RSAD1: variants seen among roughly 807,000 people sequenced by gnomAD.
RSAD1 encodes radical S-adenosyl methionine domain-containing protein 1, mitochondrial.
RSAD1 carries 34 observed loss-of-function variants against 46.2 expected under a neutral mutation model. That is an observed-to-expected ratio of 0.74 (90% CI 0.56 to 0.98). The LOEUF (loss-of-function observed/expected upper bound fraction) is 0.98. RSAD1 is among the 50% of genes least tolerant of loss of function. The pLI is 0.00. For synonymous variants in RSAD1, 260 were observed against 253.5 expected (o/e 1.03, Z -0.24); for missense variants, 635 against 592.3 (o/e 1.07, Z -0.75).
At position 50,484,953 on chromosome 17, in the gene RSAD1, T is replaced by A. The variant is rs2033435144; in HGVS notation, c.*92T>A. On this transcript the variant is annotated 3_prime_UTR_variant, in exon 9 of 9. Coordinates refer to ENST00000258955, the MANE Select transcript of RSAD1 (RefSeq NM_018346.3). The stretch of plus-strand genomic sequence containing the variant: ...ATCTCTTCTCCGTTGTCGGGTGCCG[T>A]CTCTGCTCCTTGTGGTTATTGCTCA... 3.0e-6 allele frequency: 3 copies of A among 1,001,298 alleles called. No homozygotes were observed. The highest frequency in any genetic ancestry group is 4.7e-6 in the Non-Finnish European group (3 of 644,734). The allele number at this position is 1,001,298 out of a possible 1,614,324, so 62.0% of individuals were successfully genotyped here.
rs914048142 is a variant in RSAD1, at chr17:50,479,010, T to C, written c.126T>C (p.Leu42=). ...AGCCTGCGGGCCGGCGCGCGGCGCT[T>C]TACGTACACGTGAGTAGGGGCGGGG... ...SPEPAGRRAA[L]YVHWPYCEKR... The change falls in exon 1 of 9, where the codon CTT becomes CTC. Residue 42 remains leucine, a synonymous_variant. Coordinates refer to ENST00000258955, the MANE Select transcript of RSAD1 (RefSeq NM_018346.3). The C allele has an allele frequency of 1.5e-6, 2 of 1,365,538 alleles. No individual in the cohort carries two copies. The highest frequency in any genetic ancestry group is 1.9e-6 in the Non-Finnish European group (2 of 1,066,202). The allele number at this position is 1,365,538 out of a possible 1,614,324, so 84.6% of individuals were successfully genotyped here. A position where few individuals can be genotyped will look rare whatever the true frequency, so the allele number is the denominator to read the frequency against.
Position 50,478,873 on chromosome 17 carries a change from G to A in RSAD1, c.-12G>A. 7.7e-7 allele frequency: 1 copy of A among 1,292,448 alleles called. No individual in the cohort carries two copies. Among genetic ancestry groups the A allele is most frequent in the Non-Finnish European group, 9.8e-7 (1 of 1,025,576 alleles). The allele number at this position is 1,292,448 out of a possible 1,614,324, so 80.1% of individuals were successfully genotyped here. A position where few individuals can be genotyped will look rare whatever the true frequency, so the allele number is the denominator to read the frequency against. On this transcript the variant is annotated 5_prime_UTR_variant, in exon 1 of 9. Transcript: ENST00000258955. ...CCTGCTCGGGTCAGTGCGCCGCGCT[G>A]CGCTGGGCGCCATGGCGCTCCCCGG...
chr17:50,479,031 CG>C lies in RSAD1; in HGVS notation c.135+17del. On this transcript the variant is annotated intron_variant, in intron 1 of 8. Transcript: ENST00000258955. ...CGCTTTACGTACACGTGAGTAGGGG[CG>C]GGGGCGGAGCCCACGGTGTGTGGCC... 1.5e-6 allele frequency: 2 copies of C among 1,328,106 alleles called. No homozygotes were observed. The highest frequency in any genetic ancestry group is 1.9e-6 in the Non-Finnish European group (2 of 1,043,726). The allele number at this position is 1,328,106 out of a possible 1,614,324, so 82.3% of individuals were successfully genotyped here.
chr17:50,479,032 G>T lies in RSAD1; in HGVS notation c.135+13G>T. ...GCTTTACGTACACGTGAGTAGGGGC[G>T]GGGGCGGAGCCCACGGTGTGTGGCC... On this transcript the variant is annotated intron_variant, in intron 1 of 8. Transcript: ENST00000258955. 1.5e-6 allele frequency: 2 copies of T among 1,328,612 alleles called. No homozygotes were observed. Among genetic ancestry groups the T allele is most frequent in the Admixed American group, 3.8e-5 (1 of 26,634 alleles). The allele number at this position is 1,328,612 out of a possible 1,614,324, so 82.3% of individuals were successfully genotyped here.
rs753470372 is a variant in RSAD1 at position 50,478,995 on chromosome 17, C to T, written c.111C>T (p.Gly37=). ...AGGSPSPEPA[G]RRAALYVHWP... The stretch of plus-strand genomic sequence containing the variant: ...GGTCCCCGAGTCCTGAGCCTGCGGG[C>T]CGGCGCGCGGCGCTTTACGTACACG... The change falls in exon 1 of 9, where the codon GGC becomes GGT. Residue 37 remains glycine, a synonymous_variant. Coordinates refer to ENST00000258955, the MANE Select transcript of RSAD1 (RefSeq NM_018346.3). The T allele has an allele frequency of 2.2e-6, 3 of 1,377,916 alleles. No individual in the cohort carries two copies. The highest frequency in any genetic ancestry group is 2.8e-6 in the Non-Finnish European group (3 of 1,071,744). The allele number at this position is 1,377,916 out of a possible 1,614,324, so 85.4% of individuals were successfully genotyped here. A position where few individuals can be genotyped will look rare whatever the true frequency, so the allele number is the denominator to read the frequency against.
At chr17:50,482,739 A>G in intron 5 of RSAD1, 33 bp downstream of exon 5, 2 of 1,599,442 alleles carry the variant, frequency 1.3e-6, no homozygotes, top group South Asian at 2.2e-5. Flanking sequence ...AGGGTGACTC[A>G]GGAGAGGAAT....
At position 50,479,871 on chromosome 17, in the gene RSAD1, T is replaced by C; in HGVS notation, c.270-9T>C. ...CCCCAGGTCTCATTTCTCCATTCTC[T>C]TTCCCCAGGGTGGAGTCTGTGTTCT... On this transcript the variant is annotated splice_polypyrimidine_tract_variant and intron_variant, in intron 2 of 8. Coordinates refer to ENST00000258955, the MANE Select transcript of RSAD1 (RefSeq NM_018346.3). 1 of 1,608,160 alleles carries C rather than the reference T, an allele frequency of 6.2e-7. No homozygotes were observed. The highest frequency in any genetic ancestry group is 8.5e-7 in the Non-Finnish European group (1 of 1,176,134).
In RSAD1 at chr17:50,482,517, G is replaced by A. The variant is rs954293118; in HGVS notation, c.840+61G>A. 41 of 1,608,764 alleles carry A rather than the reference G, an allele frequency of 2.5e-5. No individual in the cohort carries two copies. In the East Asian group the frequency reaches 2.7e-4, roughly 10 times the overall value. On this transcript the variant is annotated intron_variant, in intron 4 of 8. Transcript: ENST00000258955. ...GGGCAGACTGCAGTGTGACCAGGGCGTTGTGACCTTCTGAAGAGAAGGATC... is the reference window on the plus strand; with the variant it reads ...GGGCAGACTGCAGTGTGACCAGGGCATTGTGACCTTCTGAAGAGAAGGATC...
chr17:50,479,604 G>A (rs776652756), intron 1 of RSAD1, 25 bp from the exon 2 acceptor site: 38 of 1,612,798 alleles, frequency 2.4e-5, no homozygotes, highest in Non-Finnish European at 3.1e-5. Context: ...AGCTCTCACC[G>A]CGCACGTGCA....
At position 50,483,730 on chromosome 17, in the gene RSAD1, G is replaced by C; in HGVS notation, c.1077G>C (p.Gly359=). 6.2e-7 allele frequency: 1 copy of C among 1,612,948 alleles called. No homozygotes were observed. Among genetic ancestry groups the C allele is most frequent in the Non-Finnish European group, 8.5e-7 (1 of 1,179,702 alleles). The part of the protein sequence containing the change: ...LELLEEVLAL[G]LRTDVGITHQ... Reference sequence around the variant, plus strand: ...GGCTGGAGGAAGTTTTGGCCCTGGGGCTACGCACCGATGTGGGGATCACTC... The same window carrying C: ...GGCTGGAGGAAGTTTTGGCCCTGGGCCTACGCACCGATGTGGGGATCACTC... The change falls in exon 7 of 9, where the codon GGG becomes GGC. Residue 359 remains glycine, a synonymous_variant. Coordinates refer to ENST00000258955, the MANE Select transcript of RSAD1 (RefSeq NM_018346.3).
At chr17:50,482,729 A>G (rs756753781) in intron 5 of RSAD1, 23 bp downstream of exon 5, 3 of 1,607,750 alleles carry the variant, frequency 1.9e-6, no homozygotes, top group South Asian at 1.1e-5. Context: ...AACTACAGAA[A>G]GGGTGACTCA....
rs2033413250 is a variant in RSAD1, at chr17:50,483,649, G to T, written c.1053-57G>T. The T allele has an allele frequency of 5.6e-6, 9 of 1,607,942 alleles. No individual in the cohort carries two copies. The East Asian group carries it at 2.0e-4, about 36-fold the overall frequency. ...TAAATGCATCCCAGTGTAGAATTTG[G>T]AGAATGGGAGGAGCACAGGCCTCCT... On this transcript the variant is annotated intron_variant, in intron 6 of 8. Transcript: ENST00000258955.
chr17:50,479,834 C>G, intron 2 of RSAD1, 46 bp from the exon 3 acceptor site: 1 of 1,593,482 alleles, frequency 6.3e-7, no homozygotes, highest in East Asian at 2.2e-5. Flanking sequence ...GTGCAGGCAT[C>G]CCAGAGGGCT....
At position 50,483,432 on chromosome 17, in the gene RSAD1, G is replaced by A. The variant is rs1461177572; in HGVS notation, c.997G>A (p.Val333Met). 1.2e-6 allele frequency: 2 copies of A among 1,613,624 alleles called. No individual in the cohort carries two copies. The highest frequency in any genetic ancestry group is 1.7e-6 in the Non-Finnish European group (2 of 1,179,890). The change falls in exon 6 of 9, where the codon GTG becomes ATG. Residue 333 changes from valine to methionine, a missense_variant. Val to Met is a conservative substitution (Grantham distance 21). Coordinates refer to ENST00000258955, the MANE Select transcript of RSAD1 (RefSeq NM_018346.3). ...TLEPDNWMKE[V>M]MLFGHGTRKR... The stretch of plus-strand genomic sequence containing the variant: ...GGAGCCTGACAACTGGATGAAGGAG[G>A]TGATGCTGTTTGGCCATGGCACCCG...
Position 50,482,155 on chromosome 17 carries a change from C to G in RSAD1, c.539C>G (p.Thr180Arg). ...RTHSACDALR[T>R]LAEARRLFPG... ...CACTCGGCCTGCGATGCTCTGCGGA[C>G]GCTGGCAGAGGCCCGGCGCCTCTTT... The change falls in exon 4 of 9, where the codon ACG becomes AGG. Residue 180 changes from threonine to arginine, a missense_variant. Transcript: ENST00000258955. 5 of 1,590,962 alleles carry G rather than the reference C, an allele frequency of 3.1e-6. No individual in the cohort carries two copies. In the South Asian group the frequency reaches 5.6e-5, roughly 18 times the overall value.
intron 3 of RSAD1, among the ~76,000 whole-genome samples, chr17:50,481,269 A>G (rs2033377529): frequency 6.6e-6 from 1 of 152,210 alleles, no homozygotes; most frequent in African/African-American, 2.4e-5. Context: ...TTTGAATATG[A>G]CAATGTATTA....
In RSAD1 at chr17:50,479,735, C is replaced by G. The variant is rs1169898890; in HGVS notation, c.242C>G (p.Thr81Arg). The G allele has an allele frequency of 8.1e-6, 13 of 1,611,880 alleles. No homozygotes were observed. The Admixed American group carries it at 1.8e-4, about 23-fold the overall frequency. ...MQKCLVTEAQ[T>R]LLRLSGVQRV... ...AAGTGTCTGGTGACCGAAGCTCAGA[C>G]GCTGCTGCGGCTCAGCGGGGTGCAA... Residue 81 changes from threonine (T) to arginine (R), a missense_variant, in exon 2 of 9, where the codon ACG (threonine) becomes AGG (arginine). Physicochemically the swap from Thr to Arg is moderately conservative, Grantham distance 71 (BLOSUM62 -1). Transcript: ENST00000258955.
At position 50,482,504 on chromosome 17, in the gene RSAD1, G is replaced by C. The variant is rs527637327; in HGVS notation, c.840+48G>C. On this transcript the variant is annotated intron_variant, in intron 4 of 8. Transcript: ENST00000258955. ...GGAGGTGGAGGATGGGCAGACTGCA[G>C]TGTGACCAGGGCGTTGTGACCTTCT... 10 of 1,606,498 alleles carry C rather than the reference G, an allele frequency of 6.2e-6. No individual in the cohort carries two copies. In the South Asian group the frequency reaches 9.9e-5, roughly 16 times the overall value.
At position 50,482,318 on chromosome 17, in the gene RSAD1, C is replaced by T. The variant is rs201088483; in HGVS notation, c.702C>T (p.Thr234=). 2.0e-5 allele frequency: 32 copies of T among 1,611,684 alleles called. No homozygotes were observed. The highest frequency in any genetic ancestry group is 1.6e-4 in the Middle Eastern group (1 of 6,080). The change falls in exon 4 of 9, where the codon ACC becomes ACT. Residue 234 remains threonine (T), a synonymous_variant. Coordinates refer to ENST00000258955, the MANE Select transcript of RSAD1 (RefSeq NM_018346.3). ...ACCAGCTGTCCCTGGAGCGGGGCAC[C>T]GCACTCTTCGCCCAGGTGCAGCGGG... is the stretch of plus-strand genomic sequence containing the variant. ...SLYQLSLERG[T]ALFAQVQRGA...
Sources: allele counts gnomAD v4.1 joint callset (sites outside exome capture counted in the v4.1 genomes callset), GRCh38; gene constraint gnomAD v4.1.1; transcripts MANE v1.5; gene names NCBI Gene and HGNC (gene_info 2026-07-23, HGNC 2026-07-21).